PCED1B: variants seen among roughly 807,000 people sequenced by gnomAD.
PCED1B encodes the protein PC-esterase domain containing 1B.
For missense variants in PCED1B, 573 were observed against 573.9 expected (o/e 1.00, Z 0.02); for synonymous variants, 251 against 246.1 (o/e 1.02, Z -0.19).
At chr12:47,156,761 A>T (rs1288774217) in intron 2 of PCED1B, among the ~76,000 whole-genome samples, 1 of 151,980 alleles carries the variant, frequency 6.6e-6, no homozygotes. Flanking sequence ...AGCACATGTT[A>T]CCTTGATCAT....
At chr12:47,215,564 C>A (rs889776963) in intron 2 of PCED1B, among the ~76,000 whole-genome samples, 5 of 152,102 alleles carry the variant, frequency 3.3e-5, no homozygotes, top group African/African-American at 1.2e-4. Context: ...AACCATCTCC[C>A]TTTTAAGCAC....
In PCED1B at chr12:47,235,782, T is replaced by C. The variant is rs1264463634; in HGVS notation, c.719T>C (p.Leu240Pro). ...TGGAATGGACGTGTGCACCGCTGCC[T>C]CTCCCAGCTGCTGCTGGCCCACGTG... ...VHWNGRVHRC[L>P]SQLLLAHVAD... Residue 240 changes from leucine (L) to proline (P), a missense_variant, in exon 4 of 4, where the codon CTC (leucine) becomes CCC (proline). Physicochemically the swap from Leu to Pro is moderately conservative, Grantham distance 98. Transcript: ENST00000546455. 1.3e-6 allele frequency: 2 copies of C among 1,588,092 alleles called. No homozygotes were observed. The highest frequency in any genetic ancestry group is 1.7e-6 in the Non-Finnish European group (2 of 1,167,384).
At chr12:47,165,907 G>A (rs1247553333) in intron 2 of PCED1B, among the ~76,000 whole-genome samples, 1 of 152,110 alleles carries the variant, frequency 6.6e-6, no homozygotes, top group Non-Finnish European at 1.5e-5. Flanking sequence ...AGAATCATAT[G>A]TCAACAGCTA....
At chr12:47,213,516 G>A (rs11183802) in intron 2 of PCED1B, among the ~76,000 whole-genome samples, 11,518 of 152,206 alleles carry the variant, frequency 0.076, 690 homozygotes, top group East Asian at 0.27. Flanking sequence ...CCTCTTATAG[G>A]ATTCCCAAGA....
At chr12:47,120,331 A>G (rs947752158) in intron 2 of PCED1B, among the ~76,000 whole-genome samples, 2 of 152,212 alleles carry the variant, frequency 1.3e-5, no homozygotes, top group Non-Finnish European at 2.9e-5. Context: ...ACTTCTAGGT[A>G]TATACTCAAG....
chr12:47,134,477 A>G (rs763917012), intron 2 of PCED1B, among the ~76,000 whole-genome samples: 3 of 152,178 alleles, frequency 2.0e-5, no homozygotes, highest in Non-Finnish European at 4.4e-5. Context: ...ATTAACTTTA[A>G]ACAGGGCAAG....
intron 2 of PCED1B, among the ~76,000 whole-genome samples, chr12:47,169,202 A>G (rs1047535822): frequency 2.6e-5 from 4 of 152,248 alleles, no homozygotes; most frequent in South Asian, 2.1e-4. Context: ...AAAGTTGTGG[A>G]AAAATATGAT....
intron 2 of PCED1B, among the ~76,000 whole-genome samples, chr12:47,169,494 A>C (rs1424772065): frequency 2.0e-5 from 3 of 152,166 alleles, no homozygotes; most frequent in Non-Finnish European, 4.4e-5. Context: ...GTATGTCCTA[A>C]ACCCCATCAT....
At chr12:47,131,452 T>C (rs753808969) in intron 2 of PCED1B, among the ~76,000 whole-genome samples, 1 of 152,164 alleles carries the variant, frequency 6.6e-6, no homozygotes, top group Non-Finnish European at 1.5e-5. Context: ...AAGTTGCAGC[T>C]CCTCATCTGG....
chr12:47,094,157 A>G lies in PCED1B; in HGVS notation c.-608-9956A>G, dbSNP rs1048153601. On this transcript the variant is annotated intron_variant, in intron 1 of 3. Transcript: ENST00000546455. Reference sequence around the variant, plus strand: ...TAGGATTGTGCTCATTTCCTATTGGACTTATTTATTTATAATTATGAACTG... The same window carrying G: ...TAGGATTGTGCTCATTTCCTATTGGGCTTATTTATTTATAATTATGAACTG... Among the ~76,000 whole-genome samples the G allele has an allele frequency of 8.9e-4, 136 of 152,024 alleles. 1 individual carries two copies. Among genetic ancestry groups the G allele is most frequent in the African/African-American group, 3.1e-3 (129 of 41,508 alleles).
At chr12:47,171,733 A>C (rs1228443662) in intron 2 of PCED1B, among the ~76,000 whole-genome samples, 2 of 152,280 alleles carry the variant, frequency 1.3e-5, no homozygotes, top group Middle Eastern at 3.4e-3. Flanking sequence ...CTCTGATATT[A>C]GTAATTTTTA....
At chr12:47,143,870 A>G (rs1940688586) in intron 2 of PCED1B, among the ~76,000 whole-genome samples, 2 of 152,210 alleles carry the variant, frequency 1.3e-5, no homozygotes, top group Admixed American at 1.3e-4. Context: ...ACACATAGAT[A>G]AACAAAACAG....
At chr12:47,221,679 AATGT>A (rs1943482810) in intron 3 of PCED1B, among the ~76,000 whole-genome samples, 8 of 152,336 alleles carry the variant, frequency 5.3e-5, no homozygotes, top group Admixed American at 2.6e-4. Context: ...GCCTGGTGAG[AATGT>A]GCTGCCATCA....
At chr12:47,170,492 C>T (rs61112940) in intron 2 of PCED1B, among the ~76,000 whole-genome samples, 315 of 145,060 alleles carry the variant, frequency 2.2e-3, no homozygotes, top group African/African-American at 8.3e-3. Context: ...CCCCACCTCC[C>T]GGATGGGGCG....
At chr12:47,098,578 G>A (rs1406774827) in intron 1 of PCED1B, among the ~76,000 whole-genome samples, 1 of 152,184 alleles carries the variant, frequency 6.6e-6, no homozygotes, top group African/African-American at 2.4e-5. Context: ...CGCCTTCCGG[G>A]TTCACCCCAT....
rs1250757246 is a variant in PCED1B at position 47,166,715 on chromosome 12, A to AAAT, written c.-525-49492_-525-49490dup. On this transcript the variant is annotated intron_variant, in intron 2 of 3. Transcript: ENST00000546455. ...AACTAATCAAGATGAGGTGTGGTAA[A>AAAT]AATAATAATAATAATAAAAGCATCT... is the stretch of plus-strand genomic sequence containing the variant. Among the ~76,000 whole-genome samples the AAAT allele has an allele frequency of 3.5e-4, 53 of 152,196 alleles. No individual in the cohort carries two copies. The East Asian group carries it at 0.01, about 29-fold the overall frequency.
At chr12:47,192,835 C>A in intron 2 of PCED1B, among the ~76,000 whole-genome samples, 1 of 152,164 alleles carries the variant, frequency 6.6e-6, no homozygotes, top group African/African-American at 2.4e-5. Flanking sequence ...TATCATTAAC[C>A]CCAACTGAGG....
At chr12:47,220,530 GATA>G (rs1943446316) in intron 3 of PCED1B, among the ~76,000 whole-genome samples, 1 of 152,184 alleles carries the variant, frequency 6.6e-6, no homozygotes, top group African/African-American at 2.4e-5. Context: ...ATAAAATGGA[GATA>G]ATAATACTTC....
chr12:47,191,043 T>A (rs1004076515), intron 2 of PCED1B, among the ~76,000 whole-genome samples: 1 of 152,194 alleles, frequency 6.6e-6, no homozygotes, highest in African/African-American at 2.4e-5. Flanking sequence ...ATGAAGTTAA[T>A]CACTTATTAA....
Sources: gnomAD v4.1 joint callset for allele counts (sites outside exome capture counted in the v4.1 genomes callset) on GRCh38, gnomAD v4.1.1 for gene constraint, MANE v1.5 for transcripts, NCBI Gene and HGNC (gene_info 2026-07-23, HGNC 2026-07-21) for gene names.